Variants in USP50 observed in about 807,000 individuals in gnomAD.
USP50 encodes ubiquitin carboxyl-terminal hydrolase 50.
Under a neutral mutation model 39.2 loss-of-function variants are expected in USP50, and 37 were observed. The ratio of observed to expected loss-of-function variants is 0.94; its 90% confidence interval spans 0.73 to 1.24. USP50 has a LOEUF of 1.24. Among genes scored for constraint, USP50 ranks in the 50% most tolerant of loss-of-function variants. The pLI, the probability that USP50 is intolerant of heterozygous loss-of-function variation, is 0.00. For synonymous variants in USP50, 139 were observed against 144.5 expected, an observed-to-expected ratio of 0.96 and a Z score of 0.27; for missense variants, 374 against 398.2, an observed-to-expected ratio of 0.94 and a Z score of 0.52.
At chr15:50,530,809 C>T (rs1236994595) in intron 5 of USP50, among the ~76,000 whole-genome samples, 1 of 152,020 alleles carries the variant, frequency 6.6e-6, no homozygotes, top group African/African-American at 2.4e-5. Context: ...AAGCAGAAAC[C>T]CCATTGATAA....
intron 5 of USP50, among the ~76,000 whole-genome samples, chr15:50,530,910 G>A (rs894020670): frequency 6.6e-6 from 1 of 151,318 alleles, no homozygotes; most frequent in African/African-American, 2.4e-5. Flanking sequence ...GGTAGTCTTG[G>A]CAATGTCCTG....
Position 50,525,574 on chromosome 15 carries a change from ATATGTATATATG to A in USP50, c.936+4211_936+4222del, listed in dbSNP as rs1300822433. On this transcript the variant is annotated intron_variant, in intron 6 of 6. Coordinates refer to ENST00000532404, the MANE Select transcript of USP50 (RefSeq NM_203494.5). Reference sequence around the variant, plus strand: ...TATATGTGTATATATGTATATATGTATATGTATATATGTATATGTATATATGTATATGTATAT... The same window carrying A: ...TATATGTGTATATATGTATATATGTATATATGTATATATGTATATGTATAT... 7.3e-4 allele frequency among the ~76,000 whole-genome samples: 102 copies of A among 139,576 alleles called. 1 individual carries two copies. The East Asian group carries it at 9.2e-3, about 13-fold the overall frequency. The allele number at this position is 139,576 out of a possible 152,430, so 91.6% of individuals were successfully genotyped here. A position where few individuals can be genotyped will look rare whatever the true frequency, so the allele number is the denominator to read the frequency against.
rs2053073015 is a variant in USP50 at position 50,546,589 on chromosome 15, A to G, written c.-64T>C. 6 of 1,579,956 alleles carry G rather than the reference A, an allele frequency of 3.8e-6. No individual in the cohort carries two copies. The highest frequency in any genetic ancestry group is 2.7e-5 in the African/African-American group (2 of 74,130). Reference sequence around the variant, plus strand: ...AGCTACATCTATTCCTTTCAACTTCATTTCTCTGAGCCTGTTAACGCTGGC... The same window carrying G: ...AGCTACATCTATTCCTTTCAACTTCGTTTCTCTGAGCCTGTTAACGCTGGC... On this transcript the variant is annotated 5_prime_UTR_variant, in exon 1 of 7. It removes an upstream start codon present in the reference 5' UTR. Transcript: ENST00000532404.
In USP50 at chr15:50,515,368, A is replaced by C. The variant is rs535867473; in HGVS notation, c.936+14429T>G. On this transcript the variant is annotated intron_variant, in intron 6 of 6. Transcript: ENST00000532404. Reference sequence around the variant, plus strand: ...GCCATTCTCCTGCCTCAGCCTCCCAAGTAGCTGAGATTATGGGCATGTGCC... The same window carrying C: ...GCCATTCTCCTGCCTCAGCCTCCCACGTAGCTGAGATTATGGGCATGTGCC... Among the ~76,000 whole-genome samples, 16 of 152,058 alleles carry C rather than the reference A, an allele frequency of 1.1e-4. No individual in the cohort carries two copies. The South Asian group carries it at 3.1e-3, about 30-fold the overall frequency.
downstream of USP50, chr15:50,493,959 TGTA>T (rs767973829): frequency 1.7e-6 from 2 of 1,211,446 alleles, no homozygotes; most frequent in Non-Finnish European, 2.4e-6. Flanking sequence ...AGTAGTTTAA[TGTA>T]GTGCTACAGT....
chr15:50,514,608 T>G (rs1244939221), intron 6 of USP50, among the ~76,000 whole-genome samples: 2 of 152,072 alleles, frequency 1.3e-5, no homozygotes, highest in African/African-American at 2.4e-5. Context: ...CTCGGCTCAC[T>G]GCAACCTCCG....
intron 6 of USP50, among the ~76,000 whole-genome samples, chr15:50,522,290 T>C (rs2052856873): frequency 6.6e-6 from 1 of 152,056 alleles, no homozygotes; most frequent in African/African-American, 2.4e-5. Flanking sequence ...CCAGGCATGG[T>C]GGCATGTGCC....
chr15:50,534,728 T>C (rs568805846), intron 5 of USP50, among the ~76,000 whole-genome samples: 4 of 152,306 alleles, frequency 2.6e-5, no homozygotes, highest in African/African-American at 9.6e-5. Context: ...CAGAGCAGTC[T>C]TCAAAGCAAA....
chr15:50,541,676 G>T (rs533726651), intron 3 of USP50, among the ~76,000 whole-genome samples: 2 of 152,050 alleles, frequency 1.3e-5, no homozygotes, highest in Non-Finnish European at 2.9e-5. Context: ...ATATTTTCCC[G>T]TTAGATGAAA....
At chr15:50,522,683 T>C (rs551416539) in intron 6 of USP50, among the ~76,000 whole-genome samples, 1 of 152,162 alleles carries the variant, frequency 6.6e-6, no homozygotes, top group African/African-American at 2.4e-5. Context: ...TTTTTTGAGA[T>C]AGAGTCTCAC....
chr15:50,540,610 C>A (rs1248933594), intron 4 of USP50, among the ~76,000 whole-genome samples: 3 of 151,982 alleles, frequency 2.0e-5, no homozygotes, highest in Non-Finnish European at 4.4e-5. Flanking sequence ...TCATGGACTT[C>A]CTCTTTCTTT....
chr15:50,541,433 A>G (rs1330024353), intron 3 of USP50, among the ~76,000 whole-genome samples, 169 bp from the exon 4 acceptor site: 1 of 152,108 alleles, frequency 6.6e-6, no homozygotes, highest in Non-Finnish European at 1.5e-5. Flanking sequence ...GGATCAGTTG[A>G]GCCTAGGAGT....
intron 6 of USP50, among the ~76,000 whole-genome samples, chr15:50,527,190 G>T (rs911821672): frequency 2.0e-5 from 3 of 152,088 alleles, no homozygotes; most frequent in Non-Finnish European, 4.4e-5. Flanking sequence ...TGAGCCTGAG[G>T]TGGGGCCTGA....
At chr15:50,533,160 T>TA (rs1387481295) in intron 5 of USP50, among the ~76,000 whole-genome samples, 65 of 81,930 alleles carry the variant, frequency 7.9e-4, no homozygotes, top group African/African-American at 2.6e-3. Context: ...CCATGCCTCC[T>TA]AAAAAAAAAA....
rs2141379747 is a variant in USP50 at position 50,541,197 on chromosome 15, G to A, written c.512C>T (p.Thr171Ile). 6.2e-7 allele frequency: 1 copy of A among 1,613,956 alleles called. No homozygotes were observed. Among genetic ancestry groups the A allele is most frequent in the Non-Finnish European group, 8.5e-7 (1 of 1,179,888 alleles). ...STQRCCRKWI[T>I]TETSIITQLF... ...CTGGGTGATGATGGATGTCTCAGTG[G>A]TAATCCACTTCCTGCAGCATCTCTG... The change falls in exon 4 of 7, where the codon ACC (threonine) becomes ATC (isoleucine). Residue 171 changes from threonine to isoleucine, a missense_variant. Thr to Ile is a moderately conservative substitution (Grantham distance 89). Coordinates refer to ENST00000532404, the MANE Select transcript of USP50 (RefSeq NM_203494.5).
At chr15:50,498,097 C>G (rs538953287), downstream of USP50, among the ~76,000 whole-genome samples, 1 of 152,088 alleles carries the variant, frequency 6.6e-6, no homozygotes, top group African/African-American at 2.4e-5. Flanking sequence ...TATGAAATAA[C>G]CATATTACAC....
At chr15:50,538,273 CAAAAAAAA>C (rs766139797) in intron 5 of USP50, among the ~76,000 whole-genome samples, 9 of 17,304 alleles carry the variant, frequency 5.2e-4, no homozygotes, top group South Asian at 4.9e-3. Flanking sequence ...GAGACTGTCT[CAAAAAAAA>C]AAAAAAAAAA....
chr15:50,531,736 C>T (rs879357398), intron 5 of USP50, among the ~76,000 whole-genome samples: 2 of 152,100 alleles, frequency 1.3e-5, no homozygotes, highest in Admixed American at 6.6e-5. Flanking sequence ...CTCCCACTGG[C>T]CAATTTTGAA....
chr15:50,546,320 A>T (rs1417596017), intron 1 of USP50, among the ~76,000 whole-genome samples, 153 bp downstream of exon 1: 2 of 152,020 alleles, frequency 1.3e-5, no homozygotes, highest in Admixed American at 1.3e-4. Context: ...TATTGCCAAG[A>T]TATTAGGTAC....
Sources: gnomAD v4.1 joint callset for allele counts (sites outside exome capture counted in the v4.1 genomes callset) on GRCh38, gnomAD v4.1.1 for gene constraint, MANE v1.5 for transcripts, NCBI Gene and HGNC (gene_info 2026-07-23, HGNC 2026-07-21) for gene names.